Variants in PIK3R5 observed in about 807,000 individuals in gnomAD.
PIK3R5 encodes the protein phosphoinositide-3-kinase regulatory subunit 5.
Under a neutral mutation model 94.9 loss-of-function variants are expected in PIK3R5, and 32 were observed. The observed-to-expected ratio is 0.34, with a 90% CI of 0.25 to 0.45. PIK3R5 has a LOEUF of 0.45. Among genes scored for constraint, PIK3R5 ranks in the 20% least tolerant of loss-of-function variants. The pLI, the probability that PIK3R5 is intolerant of heterozygous loss-of-function variation, is 1.00. For missense variants in PIK3R5, 853 were observed against 1,144.6 expected, an observed-to-expected ratio of 0.75 and a Z score of 3.68; for synonymous variants, 443 against 479.4, an observed-to-expected ratio of 0.92 and a Z score of 0.99.
intron 12 of PIK3R5, 119 bp from the exon 13 acceptor site, chr17:8,886,724 T>G: frequency 8.4e-7 from 1 of 1,184,472 alleles, no homozygotes. Flanking sequence ...CAGGGGGAGC[T>G]GGTGAGGTGG....
chr17:8,894,778 A>G (rs1306498293), intron 5 of PIK3R5, among the ~76,000 whole-genome samples: 1 of 149,724 alleles, frequency 6.7e-6, no homozygotes, highest in African/African-American at 2.4e-5. Context: ...TAGCTTGGAA[A>G]TAGGCCCAGG....
intron 1 of PIK3R5, among the ~76,000 whole-genome samples, chr17:8,958,483 G>C (rs373799115): frequency 6.7e-6 from 1 of 149,894 alleles, no homozygotes; most frequent in Non-Finnish European, 1.5e-5. Context: ...CTTTAAAAAA[G>C]TATTGGACAA....
rs551431301 is a variant in PIK3R5 at position 8,909,506 on chromosome 17, C to G, written c.104-332G>C. Among the ~76,000 whole-genome samples the G allele has an allele frequency of 3.7e-4, 57 of 152,300 alleles. No homozygotes were observed. The highest frequency in any genetic ancestry group is 1.3e-3 in the African/African-American group (53 of 41,572). On this transcript the variant is annotated intron_variant, in intron 2 of 18. Coordinates refer to ENST00000447110, the MANE Select transcript of PIK3R5 (RefSeq NM_001142633.3). This position sits in a 1 kb window ranked among gnomAD's most constrained non-coding sequence, Gnocchi z 4.3. ...GTTTCACCATGTTGGCCAAGATGGT[C>G]TCGATCTCCTGACCTCGTGATCCGC... is the stretch of plus-strand genomic sequence containing the variant.
In PIK3R5 at chr17:8,893,960, A is replaced by C; in HGVS notation, c.413-305T>G. On this transcript the variant is annotated intron_variant, in intron 5 of 18. Transcript: ENST00000447110. This position sits in a 1 kb window ranked among gnomAD's most constrained non-coding sequence, Gnocchi z 5.1. ...TGCCCTCCCTTCCTAAGAGCTTTCCACTCCCCTTGTGGCTCAGGTCCCGGC... is the reference window on the plus strand; with the variant it reads ...TGCCCTCCCTTCCTAAGAGCTTTCCCCTCCCCTTGTGGCTCAGGTCCCGGC... The C allele has an allele frequency of 4.3e-6, 1 of 231,026 alleles. No individual in the cohort carries two copies. The highest frequency in any genetic ancestry group is 8.5e-6 in the Non-Finnish European group (1 of 117,346). 14.3% of individuals were successfully genotyped at this position (231,026 alleles called of 1,614,324 possible). A position where few individuals can be genotyped will look rare whatever the true frequency, so the allele number is the denominator to read the frequency against.
chr17:8,923,881 C>A (rs1423143954), intron 1 of PIK3R5, among the ~76,000 whole-genome samples: 1 of 128,180 alleles, frequency 7.8e-6, no homozygotes, highest in Non-Finnish European at 1.7e-5. Flanking sequence ...CTTCCCTTCC[C>A]CTCCCCTCCC....
At chr17:8,937,257 TG>T (rs1394660273) in intron 1 of PIK3R5, among the ~76,000 whole-genome samples, 2 of 152,242 alleles carry the variant, frequency 1.3e-5, no homozygotes, top group African/African-American at 2.4e-5. Context: ...CTTATATTTT[TG>T]CTTTACGTAG....
At chr17:8,886,412 G>A (rs2089859049) in intron 13 of PIK3R5, 65 bp downstream of exon 13, 1 of 1,601,464 alleles carries the variant, frequency 6.2e-7, no homozygotes, top group South Asian at 1.1e-5. Flanking sequence ...CTCTCCCGGG[G>A]CAGGGGTGGG....
At chr17:8,905,595 G>C (rs887803199) in intron 4 of PIK3R5, 74 bp downstream of exon 4, 14 of 1,094,542 alleles carry the variant, frequency 1.3e-5, no homozygotes, top group Admixed American at 2.3e-5. Flanking sequence ...AGAGGTGTGA[G>C]GGCTCTGCCC....
rs771040681 is a variant in PIK3R5, at chr17:8,880,913, A to C, written c.2487T>G (p.Ser829Arg). The change falls in exon 18 of 19, where the codon AGT becomes AGG. Residue 829 changes from serine to arginine, a missense_variant. Physicochemically the swap from Ser to Arg is moderately radical, Grantham distance 110. Around this residue, in one of 6 missense-constraint regions of PIK3R5, gnomAD observed 91 missense variants for 90.5 expected, o/e 1.01. Transcript: ENST00000447110. ...LDQDERKILQ[S>R]VVRCEVSPCY... is the part of the protein sequence containing the mutation. Reference sequence around the variant, plus strand: ...GGACCCCCCTTTCCTACCTGACTACACTCTGCAGGATCTTTCTCTCATCCT... The same window carrying C: ...GGACCCCCCTTTCCTACCTGACTACCCTCTGCAGGATCTTTCTCTCATCCT... 3 of 1,613,636 alleles carry C rather than the reference A, an allele frequency of 1.9e-6. No homozygotes were observed. The highest frequency in any genetic ancestry group is 2.5e-6 in the Non-Finnish European group (3 of 1,179,746).
rs1382625927 is a variant in PIK3R5 at position 8,893,032 on chromosome 17, A to G, written c.482+554T>C. Among the ~76,000 whole-genome samples the G allele has an allele frequency of 6.6e-6, 1 of 150,544 alleles. No homozygotes were observed. The highest frequency in any genetic ancestry group is 1.5e-5 in the Non-Finnish European group (1 of 67,938). On this transcript the variant is annotated intron_variant, in intron 6 of 18. Coordinates refer to ENST00000447110, the MANE Select transcript of PIK3R5 (RefSeq NM_001142633.3). This position sits in a 1 kb window ranked among gnomAD's most constrained non-coding sequence, Gnocchi z 5.1. Reference sequence around the variant, plus strand: ...AGAGCTCATCCTATGTAACCAGGATACATTTCATTTCAGCTGTGTGTGTGT... The same window carrying G: ...AGAGCTCATCCTATGTAACCAGGATGCATTTCATTTCAGCTGTGTGTGTGT...
rs2089978824 is a variant in PIK3R5, at chr17:8,889,826, G to A, written c.811+147C>T. On this transcript the variant is annotated intron_variant, in intron 8 of 18. Transcript: ENST00000447110. The surrounding 1 kb of genome is among the most constrained non-coding windows in gnomAD (Gnocchi z 4.1). ...TAGACAGGAATGAGACACCCTAGGG[G>A]ATGGCAGAGCAGTGAGATGCTGAAG... The A allele has an allele frequency of 1.3e-6, 1 of 759,316 alleles. No homozygotes were observed. The highest frequency in any genetic ancestry group is 1.7e-5 in the African/African-American group (1 of 57,348). The allele number at this position is 759,316 out of a possible 1,614,324, so 47.0% of individuals were successfully genotyped here.
intron 1 of PIK3R5, among the ~76,000 whole-genome samples, chr17:8,947,203 T>C (rs2091288722): frequency 6.6e-6 from 1 of 152,212 alleles, no homozygotes; most frequent in Non-Finnish European, 1.5e-5. Flanking sequence ...TTTGCCTGGA[T>C]AGCAGCTTGG....
At chr17:8,953,991 G>T (rs1384200533) in intron 1 of PIK3R5, among the ~76,000 whole-genome samples, 3 of 151,870 alleles carry the variant, frequency 2.0e-5, no homozygotes, top group Admixed American at 2.0e-4. Flanking sequence ...TGGAATGGGG[G>T]AGTTATCGCT....
intron 1 of PIK3R5, among the ~76,000 whole-genome samples, chr17:8,959,711 G>T (rs931256540): frequency 2.0e-5 from 3 of 152,236 alleles, no homozygotes; most frequent in Admixed American, 6.5e-5. Flanking sequence ...CAAAAACCCA[G>T]TGATACGTCT....
chr17:8,948,995 G>A (rs982085078), intron 1 of PIK3R5, among the ~76,000 whole-genome samples: 5 of 152,186 alleles, frequency 3.3e-5, no homozygotes, highest in Admixed American at 6.5e-5. Context: ...GGTGACTCCC[G>A]AGATAACATT....
At chr17:8,903,782 C>A (rs2090340919) in intron 5 of PIK3R5, among the ~76,000 whole-genome samples, 1 of 152,110 alleles carries the variant, frequency 6.6e-6, no homozygotes, top group African/African-American at 2.4e-5. Context: ...AAGCTCTTAG[C>A]TACCTGTTTT....
At position 8,890,066 on chromosome 17, in the gene PIK3R5, C is replaced by G; in HGVS notation, c.718G>C (p.Ala240Pro). Residue 240 changes from alanine (A) to proline (P), a missense_variant, in exon 8 of 19, where the codon GCA (alanine) becomes CCA (proline). Around this residue, in one of 6 missense-constraint regions of PIK3R5, gnomAD observed 161 missense variants for 249.5 expected, o/e 0.65. Transcript: ENST00000447110. The surrounding 1 kb of genome is among the most constrained non-coding windows in gnomAD (Gnocchi z 6.1). ...TCTGCAGCATCCCCGATGCCAGATG[C>G]CAGCTCCTGTGCCTCTGCGGTCTCC... ...FTETAEAQEL[A>P]SGIGDAAEAR... 2 of 1,614,044 alleles carry G rather than the reference C, an allele frequency of 1.2e-6. No individual in the cohort carries two copies. The highest frequency in any genetic ancestry group is 1.7e-6 in the Non-Finnish European group (2 of 1,179,982).
chr17:8,964,970 G>A (rs551077124), intron 1 of PIK3R5, among the ~76,000 whole-genome samples: 147 of 151,562 alleles, frequency 9.7e-4, no homozygotes, highest in African/African-American at 3.1e-3. Context: ...ACCCCAGGCC[G>A]GGATGGGCCA....
In PIK3R5 at chr17:8,925,920, A is replaced by T. The variant is rs1191594317; in HGVS notation, c.-13-14413T>A. On this transcript the variant is annotated intron_variant, in intron 1 of 18. Coordinates refer to ENST00000447110, the MANE Select transcript of PIK3R5 (RefSeq NM_001142633.3). This position sits in a 1 kb window ranked among gnomAD's most constrained non-coding sequence, Gnocchi z 5.1. Reference sequence around the variant, plus strand: ...CGAGTTCTATCCCCTTCAGACCCCAATGGAGAGGTCTGGGCTACAGCTCTC... The same window carrying T: ...CGAGTTCTATCCCCTTCAGACCCCATTGGAGAGGTCTGGGCTACAGCTCTC... 6.6e-6 allele frequency among the ~76,000 whole-genome samples: 1 copy of T among 152,206 alleles called. No homozygotes were observed. Among genetic ancestry groups the T allele is most frequent in the Non-Finnish European group, 1.5e-5 (1 of 68,028 alleles).
Sources: allele counts gnomAD v4.1 joint callset (sites outside exome capture counted in the v4.1 genomes callset), GRCh38; gene constraint gnomAD v4.1.1; regional missense constraint gnomAD v4.1.1; non-coding constraint Gnocchi (gnomAD v3.1); transcripts MANE v1.5; gene names NCBI Gene and HGNC (gene_info 2026-07-23, HGNC 2026-07-21).